TBC1D4: variants seen among roughly 807,000 people sequenced by gnomAD.
TBC1D4 encodes the protein TBC1 domain family member 4, also known as TBC (Tre-2, BUB2, CDC16) domain-containing protein.
TBC1D4 carries 121 observed loss-of-function variants against 142.5 expected under a neutral mutation model. The observed-to-expected ratio is 0.85, with a 90% confidence interval of 0.73 to 0.99. The LOEUF is 0.99. Ranked by LOEUF, TBC1D4 falls within the 50% of genes least tolerant of loss-of-function variation. The pLI is 0.00. For missense variants in TBC1D4, 1,475 were observed against 1,606.6 expected (o/e 0.92, Z 1.40); for synonymous variants, 630 against 628.2 (o/e 1.00, Z -0.04).
chr13:75,337,664 C>A (rs565548223), intron 7 of TBC1D4, among the ~76,000 whole-genome samples: 2 of 152,238 alleles, frequency 1.3e-5, no homozygotes, highest in South Asian at 2.1e-4. Flanking sequence ...AAGCGAGAAA[C>A]CTTATGATTT....
At chr13:75,445,389 A>G (rs1887232986) in intron 1 of TBC1D4, among the ~76,000 whole-genome samples, 1 of 152,212 alleles carries the variant, frequency 6.6e-6, no homozygotes, top group African/African-American at 2.4e-5. Flanking sequence ...CTTGTTGTAG[A>G]TACTCAAATA....
intron 1 of TBC1D4, among the ~76,000 whole-genome samples, chr13:75,450,522 G>A (rs1167492216): frequency 6.6e-6 from 1 of 152,132 alleles, no homozygotes; most frequent in Non-Finnish European, 1.5e-5. Context: ...GACGAAATTG[G>A]TAACTTTGAC....
At chr13:75,383,059 C>T (rs1020132181) in intron 1 of TBC1D4, among the ~76,000 whole-genome samples, 3 of 152,204 alleles carry the variant, frequency 2.0e-5, no homozygotes, top group Admixed American at 6.5e-5. Context: ...CAGAGGCTCA[C>T]GCCCATAATC....
intron 2 of TBC1D4, 121 bp downstream of exon 2, chr13:75,361,905 G>T: frequency 1.6e-6 from 2 of 1,241,316 alleles, no homozygotes; most frequent in Non-Finnish European, 2.3e-6. Flanking sequence ...CTTTGAAGGG[G>T]AAAACAAATA....
intron 1 of TBC1D4, among the ~76,000 whole-genome samples, chr13:75,420,262 T>C (rs900464635): frequency 1.4e-4 from 21 of 152,142 alleles, no homozygotes; most frequent in African/African-American, 4.3e-4. Flanking sequence ...TGAGAGACAA[T>C]TGGTCCAAGA....
At chr13:75,399,827 T>C (rs1212532754) in intron 1 of TBC1D4, among the ~76,000 whole-genome samples, 3 of 152,150 alleles carry the variant, frequency 2.0e-5, no homozygotes, top group African/African-American at 7.2e-5. Context: ...CACCCCAGTA[T>C]GAAGAAGGCT....
intron 12 of TBC1D4, among the ~76,000 whole-genome samples, chr13:75,314,121 T>C (rs895280133): frequency 3.9e-5 from 6 of 152,210 alleles, no homozygotes; most frequent in Non-Finnish European, 5.9e-5. Context: ...TGACTCAAAA[T>C]CATTTTTGAG....
chr13:75,453,427 A>G (rs1887605481), intron 1 of TBC1D4, among the ~76,000 whole-genome samples: 1 of 152,176 alleles, frequency 6.6e-6, no homozygotes, highest in Non-Finnish European at 1.5e-5. Flanking sequence ...TTTCTTCTTC[A>G]TAAATACTGC....
intron 17 of TBC1D4, among the ~76,000 whole-genome samples, chr13:75,296,028 C>G (rs1875881003): frequency 6.6e-6 from 1 of 152,136 alleles, no homozygotes; most frequent in Admixed American, 6.5e-5. Context: ...TAAAAATCAA[C>G]AGACTCCTTT....
At chr13:75,436,868 A>G (rs1277483876) in intron 1 of TBC1D4, among the ~76,000 whole-genome samples, 1 of 152,194 alleles carries the variant, frequency 6.6e-6, no homozygotes, top group Non-Finnish European at 1.5e-5. Flanking sequence ...AAAAGTTAAT[A>G]TCACCAGTAA....
chr13:75,309,096 C>T (rs975820949), intron 14 of TBC1D4, among the ~76,000 whole-genome samples: 4 of 152,038 alleles, frequency 2.6e-5, no homozygotes, highest in African/African-American at 9.7e-5. Flanking sequence ...AAAAGTCAAA[C>T]GGACCACTTA....
chr13:75,470,412 G>A (rs1308744332), intron 1 of TBC1D4, among the ~76,000 whole-genome samples: 1 of 152,100 alleles, frequency 6.6e-6, no homozygotes, highest in Admixed American at 6.5e-5. Context: ...CCTGGGAACT[G>A]TTAGAGATGC....
At chr13:75,335,636 G>T (rs1880131766) in intron 8 of TBC1D4, among the ~76,000 whole-genome samples, 1 of 152,072 alleles carries the variant, frequency 6.6e-6, no homozygotes, top group Non-Finnish European at 1.5e-5. Context: ...CATCCACTTG[G>T]TGCTGTTCTC....
intron 1 of TBC1D4, among the ~76,000 whole-genome samples, chr13:75,470,438 C>T (rs1378949555): frequency 6.6e-6 from 1 of 152,148 alleles, no homozygotes; most frequent in Non-Finnish European, 1.5e-5. Flanking sequence ...TAAGATACCA[C>T]CCTAGACTTA....
intron 1 of TBC1D4, among the ~76,000 whole-genome samples, chr13:75,431,099 G>A (rs1886576688): frequency 6.6e-6 from 1 of 152,034 alleles, no homozygotes; most frequent in South Asian, 2.1e-4. Flanking sequence ...GGCATCAATG[G>A]GCTTTACAAC....
At chr13:75,450,325 T>C (rs960599208) in intron 1 of TBC1D4, among the ~76,000 whole-genome samples, 1 of 152,338 alleles carries the variant, frequency 6.6e-6, no homozygotes, top group South Asian at 2.1e-4. Flanking sequence ...AATAGCAACA[T>C]TCCTGACACG....
At chr13:75,449,230 ATGTG>A (rs555081826) in intron 1 of TBC1D4, among the ~76,000 whole-genome samples, 80 of 151,962 alleles carry the variant, frequency 5.3e-4, no homozygotes, top group African/African-American at 1.9e-3. Flanking sequence ...ATTGAACCAT[ATGTG>A]TGTGTGTATA....
At chr13:75,366,830 T>C in intron 1 of TBC1D4, 3 of 567,094 alleles carry the variant, frequency 5.3e-6, no homozygotes, top group Non-Finnish European at 6.7e-6. Flanking sequence ...AAACAAATTC[T>C]ACAACTACCA....
Position 75,352,482 on chromosome 13 carries a change from C to T in TBC1D4, c.1276-3180G>A, listed in dbSNP as rs1190508666. The stretch of plus-strand genomic sequence containing the variant: ...TCTTCATTTGTAAGTAGCAGTCCAC[C>T]TGTACTTTTTTCAAACTCTTTAAAC... On this transcript the variant is annotated intron_variant, in intron 4 of 20. Transcript: ENST00000377636. Among the ~76,000 whole-genome samples the T allele has an allele frequency of 2.0e-5, 3 of 152,154 alleles. No individual in the cohort carries two copies. In the South Asian group the frequency reaches 6.2e-4, roughly 32 times the overall value.
Sources: gnomAD v4.1 joint callset for allele counts (sites outside exome capture counted in the v4.1 genomes callset) on GRCh38, gnomAD v4.1.1 for gene constraint, MANE v1.5 for transcripts, NCBI Gene and HGNC (gene_info 2026-07-23, HGNC 2026-07-21) for gene names.